HECW2: variants seen among roughly 807,000 people sequenced by gnomAD.
HECW2 encodes the protein HECT, C2 and WW domain containing E3 ubiquitin protein ligase 2, also known as E3 ubiquitin-protein ligase HECW2.
Under a neutral mutation model 175.2 loss-of-function variants are expected in HECW2, and 61 were observed. The ratio of observed to expected loss-of-function variants is 0.35; its 90% confidence interval spans 0.28 to 0.43. The LOEUF is 0.43. HECW2 is among the 20% of genes least tolerant of loss of function. The pLI is 1.00. For synonymous variants in HECW2, 671 were observed against 731.0 expected, an observed-to-expected ratio of 0.92 and a Z score of 1.32; for missense variants, 1,524 against 2,000.5, an observed-to-expected ratio of 0.76 and a Z score of 4.54.
chr2:196,251,335 A>G (rs745602914), intron 19 of HECW2, among the ~76,000 whole-genome samples: 7 of 152,126 alleles, frequency 4.6e-5, no homozygotes, highest in Non-Finnish European at 5.9e-5. Flanking sequence ...GAGGTTTCTC[A>G]TGACATCATC....
chr2:196,460,776 AT>A (rs201916150), intron 1 of HECW2, among the ~76,000 whole-genome samples: 432 of 116,024 alleles, frequency 3.7e-3, no homozygotes, highest in East Asian at 0.015. Context: ...ACACCTGGCA[AT>A]TTTTTTTTTT....
intron 16 of HECW2, 33 bp from the exon 17 acceptor site, chr2:196,271,322 A>G (rs774156551): frequency 6.9e-7 from 1 of 1,449,092 alleles, no homozygotes; most frequent in Non-Finnish European, 9.7e-7. Flanking sequence ...CAACAATTTA[A>G]AAAAGAATCT....
At chr2:196,213,555 G>A (rs142769835) in intron 28 of HECW2, among the ~76,000 whole-genome samples, 37 of 152,250 alleles carry the variant, frequency 2.4e-4, no homozygotes, top group East Asian at 1.5e-3. Context: ...GGCTTGTTAC[G>A]GAGAGGGTAT....
chr2:196,442,840 T>C (rs959329895), intron 1 of HECW2, among the ~76,000 whole-genome samples: 2 of 152,178 alleles, frequency 1.3e-5, no homozygotes, highest in African/African-American at 4.8e-5. Flanking sequence ...AATAATGTTA[T>C]TTAAAATAGA....
intron 1 of HECW2, among the ~76,000 whole-genome samples, chr2:196,532,511 G>C (rs1173291813): frequency 1.3e-5 from 2 of 152,124 alleles, no homozygotes; most frequent in African/African-American, 2.4e-5. Flanking sequence ...ACAGCATTAG[G>C]AGAAATACCT....
chr2:196,308,145 T>A, intron 10 of HECW2, 60 bp from the exon 11 acceptor site: 1 of 1,298,648 alleles, frequency 7.7e-7, no homozygotes, highest in Non-Finnish European at 1.0e-6. Flanking sequence ...ATTAATAGGG[T>A]TCATTAAGTT....
At chr2:196,324,870 AC>A in intron 6 of HECW2, 109 bp downstream of exon 6, 1 of 796,284 alleles carries the variant, frequency 1.3e-6, no homozygotes, top group Non-Finnish European at 1.9e-6. Flanking sequence ...TCCCAGCAGA[AC>A]CCCTAGACAC....
At chr2:196,474,881 G>C (rs1686503757) in intron 1 of HECW2, among the ~76,000 whole-genome samples, 1 of 152,138 alleles carries the variant, frequency 6.6e-6, no homozygotes, top group African/African-American at 2.4e-5. Flanking sequence ...GACTCTTAAG[G>C]CAGAGGCCCA....
chr2:196,418,428 A>G (rs1167081207), intron 2 of HECW2, among the ~76,000 whole-genome samples: 1 of 152,116 alleles, frequency 6.6e-6, no homozygotes, highest in Non-Finnish European at 1.5e-5. Context: ...GTGCCCGGCC[A>G]GATGATCACT....
chr2:196,250,933 C>T (rs1348769569), intron 19 of HECW2, among the ~76,000 whole-genome samples: 2 of 152,212 alleles, frequency 1.3e-5, no homozygotes, highest in Admixed American at 1.3e-4. Flanking sequence ...CAATCATGAT[C>T]CGGTTTATAA....
At chr2:196,214,207 CT>C (rs1687390044) in intron 28 of HECW2, among the ~76,000 whole-genome samples, 1 of 152,138 alleles carries the variant, frequency 6.6e-6, no homozygotes, top group Non-Finnish European at 1.5e-5. Context: ...CACCAAGACC[CT>C]GCTGCAGGTA....
chr2:196,367,854 TTGTG>T (rs59971469), intron 2 of HECW2, among the ~76,000 whole-genome samples: 10 of 130,228 alleles, frequency 7.7e-5, no homozygotes, highest in East Asian at 4.1e-4. Context: ...TAGTACTCCA[TTGTG>T]TGTGTGTGTG....
chr2:196,448,220 C>T (rs1242895694), intron 1 of HECW2, among the ~76,000 whole-genome samples: 12 of 152,164 alleles, frequency 7.9e-5, no homozygotes, highest in Non-Finnish European at 4.4e-5. Context: ...CCTATTTACT[C>T]TGCAATTTGG....
At chr2:196,209,525 G>C (rs2105782112) in intron 28 of HECW2, among the ~76,000 whole-genome samples, 1 of 152,282 alleles carries the variant, frequency 6.6e-6, no homozygotes, top group South Asian at 2.1e-4. Context: ...GAGTGAGAGG[G>C]CAGAGGGGAA....
intron 2 of HECW2, among the ~76,000 whole-genome samples, chr2:196,397,293 T>C (rs1694698991): frequency 6.6e-6 from 1 of 152,246 alleles, no homozygotes; most frequent in Non-Finnish European, 1.5e-5. Context: ...GCACCTAATA[T>C]GATGCAGGTA....
Position 196,319,821 on chromosome 2 carries a change from T to A in HECW2, c.1069A>T (p.Met357Leu), listed in dbSNP as rs780893136. The A allele has an allele frequency of 6.2e-7, 1 of 1,614,232 alleles. No individual in the cohort carries two copies. Among genetic ancestry groups the A allele is most frequent in the South Asian group, 1.1e-5 (1 of 91,090 alleles). The part of the protein sequence containing the change: ...DLGSPSDDED[M>L]PGSHHDSQVC... ...TGGCTGTCGTGATGGCTCCCTGGCA[T>A]GTCCTCGTCATCGGAAGGGCTACCT... The change falls in exon 9 of 29, where the codon ATG (methionine) becomes TTG (leucine). Residue 357 changes from methionine to leucine, a missense_variant. Coordinates refer to ENST00000644978, the MANE Select transcript of HECW2 (RefSeq NM_001348768.2).
chr2:196,541,636 T>C (rs1689217618), intron 1 of HECW2, among the ~76,000 whole-genome samples: 1 of 152,088 alleles, frequency 6.6e-6, no homozygotes, highest in Admixed American at 6.5e-5. Flanking sequence ...TATCAAAAGA[T>C]TGGTAAGTGT....
intron 19 of HECW2, among the ~76,000 whole-genome samples, chr2:196,252,036 T>C (rs1360177826): frequency 6.6e-6 from 1 of 151,730 alleles, no homozygotes; most frequent in Non-Finnish European, 1.5e-5. Context: ...CAGTCTCTAC[T>C]AAAAATACAA....
At chr2:196,322,259 A>T (rs1575413126) in intron 7 of HECW2, among the ~76,000 whole-genome samples, 1 of 152,382 alleles carries the variant, frequency 6.6e-6, no homozygotes, top group East Asian at 1.9e-4. Flanking sequence ...AACAGTGGGT[A>T]CATCTTGGAA....
Sources: allele counts gnomAD v4.1 joint callset (sites outside exome capture counted in the v4.1 genomes callset), GRCh38; gene constraint gnomAD v4.1.1; transcripts MANE v1.5; gene names NCBI Gene and HGNC (gene_info 2026-07-23, HGNC 2026-07-21).